GABRG3: variants seen among roughly 807,000 people sequenced by gnomAD.
GABRG3 encodes the protein gamma-aminobutyric acid type A receptor subunit gamma3, also known as gamma-aminobutyric acid receptor subunit gamma-3.
A neutral mutation model predicts 48.8 loss-of-function variants in GABRG3; 25 were observed. That is an observed-to-expected ratio of 0.51 (90% confidence interval 0.37 to 0.72). GABRG3 has a LOEUF of 0.72. GABRG3 is among the 30% of genes least tolerant of loss of function. GABRG3 has a pLI of 0.00. For missense variants in GABRG3, 394 were observed against 577.9 expected, an observed-to-expected ratio of 0.68 and a Z score of 3.26; for synonymous variants, 227 against 217.6, an observed-to-expected ratio of 1.04 and a Z score of -0.38.
At chr15:27,385,840 T>G (rs1895905785) in intron 5 of GABRG3, among the ~76,000 whole-genome samples, 1 of 152,214 alleles carries the variant, frequency 6.6e-6, no homozygotes, top group South Asian at 2.1e-4. Context: ...ATATCTTCTT[T>G]GTAGTCTTTG....
intron 3 of GABRG3, among the ~76,000 whole-genome samples, chr15:27,231,440 G>C (rs923860414): frequency 1.3e-5 from 2 of 152,220 alleles, no homozygotes; most frequent in African/African-American, 4.8e-5. Context: ...AAAGTGTTGT[G>C]AGCGGGGTAG....
At chr15:27,094,136 C>T (rs1897236647) in intron 3 of GABRG3, among the ~76,000 whole-genome samples, 1 of 152,176 alleles carries the variant, frequency 6.6e-6, no homozygotes, top group Non-Finnish European at 1.5e-5. Flanking sequence ...ATTAAGCTGG[C>T]TGCTTCCACG....
At position 27,168,136 on chromosome 15, in the gene GABRG3, TA is replaced by T. The variant is rs757688026; in HGVS notation, c.270+141328del. 6.7e-3 allele frequency among the ~76,000 whole-genome samples: 941 copies of T among 141,424 alleles called. 1 individual carries two copies. Among genetic ancestry groups the T allele is most frequent in the Middle Eastern group, 7.5e-3 (2 of 268 alleles). 92.8% of individuals were successfully genotyped at this position (141,424 alleles called of 152,430 possible). A position where few individuals can be genotyped will look rare whatever the true frequency, so the allele number is the denominator to read the frequency against. ...TGAGACCTTTCTAAAGAAGCTCAGT[TA>T]AAAAAAAAAAAAGGGAAAACAGACA... On this transcript the variant is annotated intron_variant, in intron 3 of 9. Coordinates refer to ENST00000615808, the MANE Select transcript of GABRG3 (RefSeq NM_033223.5).
intron 3 of GABRG3, among the ~76,000 whole-genome samples, chr15:27,156,832 C>T (rs1390257185): frequency 2.0e-5 from 3 of 152,176 alleles, no homozygotes; most frequent in Admixed American, 6.5e-5. Context: ...AGATAGAATT[C>T]GATGGTGTGG....
chr15:27,388,091 G>GGA (rs1896016585), intron 5 of GABRG3, among the ~76,000 whole-genome samples: 4 of 27,412 alleles, frequency 1.5e-4, no homozygotes, highest in African/African-American at 3.9e-4. Context: ...GGAAAGGAGG[G>GGA]AGGAAAGGGA....
chr15:27,480,024 C>A (rs1369147444), intron 5 of GABRG3, among the ~76,000 whole-genome samples: 2 of 152,218 alleles, frequency 1.3e-5, no homozygotes, highest in African/African-American at 4.8e-5. Context: ...GACAGAGCAC[C>A]TGCCTGATGT....
chr15:27,464,190 T>C (rs1449290677), intron 5 of GABRG3, among the ~76,000 whole-genome samples: 1 of 152,202 alleles, frequency 6.6e-6, no homozygotes, highest in Non-Finnish European at 1.5e-5. Context: ...ATTGCTTAAC[T>C]ATTATCACTT....
At chr15:27,188,025 A>G (rs935074163) in intron 3 of GABRG3, among the ~76,000 whole-genome samples, 4 of 151,670 alleles carry the variant, frequency 2.6e-5, no homozygotes, top group African/African-American at 7.3e-5. Flanking sequence ...ATGATTTCCA[A>G]TTTCATCCAT....
At chr15:27,296,503 C>T (rs1891989132) in intron 3 of GABRG3, among the ~76,000 whole-genome samples, 2 of 151,944 alleles carry the variant, frequency 1.3e-5, no homozygotes, top group Non-Finnish European at 2.9e-5. Context: ...ATAATAAATT[C>T]TATACGTATA....
intron 5 of GABRG3, among the ~76,000 whole-genome samples, chr15:27,383,792 AT>A (rs2140566357): frequency 6.6e-6 from 1 of 152,362 alleles, no homozygotes; most frequent in African/African-American, 2.4e-5. Flanking sequence ...ATTCCAAAAA[AT>A]AATGTGTGTC....
Position 26,995,678 on chromosome 15 carries a change from A to C in GABRG3, c.202+18528A>C, listed in dbSNP as rs1895328106. On this transcript the variant is annotated intron_variant, in intron 2 of 9. Transcript: ENST00000615808. Reference sequence around the variant, plus strand: ...GCCTACGGCAATATACATGTCATTGAAATTTTTGCTACTCTTAACAATATA... The same window carrying C: ...GCCTACGGCAATATACATGTCATTGCAATTTTTGCTACTCTTAACAATATA... Among the ~76,000 whole-genome samples the C allele has an allele frequency of 9.9e-5, 15 of 152,144 alleles. 2 individuals are homozygous for C. The South Asian group carries it at 3.1e-3, about 32-fold the overall frequency.
intron 2 of GABRG3, among the ~76,000 whole-genome samples, chr15:27,003,275 G>A (rs1398936189): frequency 6.7e-6 from 1 of 148,554 alleles, no homozygotes; most frequent in Non-Finnish European, 1.5e-5. Context: ...CGCAGAGGGG[G>A]ATTTGGCAGG....
intron 3 of GABRG3, among the ~76,000 whole-genome samples, chr15:27,181,224 G>A (rs190195567): frequency 1.3e-4 from 20 of 152,266 alleles, no homozygotes; most frequent in Non-Finnish European, 2.8e-4. Flanking sequence ...GTAATTGTCT[G>A]CAGAGGATCT....
intron 6 of GABRG3, among the ~76,000 whole-genome samples, chr15:27,488,518 A>G (rs572381893): frequency 3.3e-5 from 5 of 152,294 alleles, no homozygotes; most frequent in African/African-American, 1.2e-4. Flanking sequence ...TGCCGGCCTC[A>G]GAGATAAGGA....
chr15:27,288,381 G>A (rs976577545), intron 3 of GABRG3, among the ~76,000 whole-genome samples: 1 of 151,954 alleles, frequency 6.6e-6, no homozygotes, highest in African/African-American at 2.4e-5. Context: ...ATCAGTGGGA[G>A]CCCTGAGTTT....
chr15:27,027,759 C>G (rs1159435639), intron 3 of GABRG3, among the ~76,000 whole-genome samples: 1 of 152,218 alleles, frequency 6.6e-6, no homozygotes, highest in Non-Finnish European at 1.5e-5. Context: ...AATTATTTCA[C>G]ACAACCTATG....
intron 3 of GABRG3, among the ~76,000 whole-genome samples, chr15:27,246,875 C>T (rs1427737144): frequency 2.0e-5 from 3 of 152,122 alleles, no homozygotes; most frequent in Non-Finnish European, 4.4e-5. Flanking sequence ...CGTTAAGTAG[C>T]GTTGTGATTT....
chr15:26,974,719 G>A lies in GABRG3; in HGVS notation c.54-2283G>A, dbSNP rs1222944427. Among the ~76,000 whole-genome samples, 2 of 151,920 alleles carry A rather than the reference G, an allele frequency of 1.3e-5. No individual in the cohort carries two copies. Among genetic ancestry groups the A allele is most frequent in the Non-Finnish European group, 2.9e-5 (2 of 67,994 alleles). On this transcript the variant is annotated intron_variant, in intron 1 of 9. Coordinates refer to ENST00000615808, the MANE Select transcript of GABRG3 (RefSeq NM_033223.5). The surrounding 1 kb of genome is among the most constrained non-coding windows in gnomAD (Gnocchi z 4.3). ...GTGGAGTGATTTGCCCTGTCCCGTGGGCAGTGCTTGATTCCCAGCTATCTA... is the reference window on the plus strand; with the variant it reads ...GTGGAGTGATTTGCCCTGTCCCGTGAGCAGTGCTTGATTCCCAGCTATCTA...
intron 2 of GABRG3, among the ~76,000 whole-genome samples, chr15:27,019,479 C>T (rs1306425033): frequency 1.3e-5 from 2 of 152,214 alleles, no homozygotes; most frequent in Non-Finnish European, 2.9e-5. Flanking sequence ...AGTCACTCCT[C>T]ACTCCTATTT....
Sources: allele counts gnomAD v4.1 joint callset (sites outside exome capture counted in the v4.1 genomes callset), GRCh38; gene constraint gnomAD v4.1.1; non-coding constraint Gnocchi (gnomAD v3.1); transcripts MANE v1.5; gene names NCBI Gene and HGNC (gene_info 2026-07-23, HGNC 2026-07-21).